Variants in CDS2 observed in about 807,000 individuals in gnomAD.
The protein encoded by CDS2 is phosphatidate cytidylyltransferase 2.
CDS2 carries 47 observed loss-of-function variants against 59.0 expected under a neutral mutation model. The ratio of observed to expected loss-of-function variants is 0.80; its 90% CI spans 0.63 to 1.02. The LOEUF (loss-of-function observed/expected upper bound fraction) is 1.02. Among genes scored for constraint, CDS2 ranks in the 50% least tolerant of loss-of-function variants. The pLI is 0.00. For missense variants in CDS2, 356 were observed against 558.9 expected, an observed-to-expected ratio of 0.64 and a Z score of 3.66; for synonymous variants, 207 against 206.4, an observed-to-expected ratio of 1.00 and a Z score of -0.02.
At chr20:5,134,680 C>T (rs1437012652) in intron 1 of CDS2, among the ~76,000 whole-genome samples, 2 of 152,054 alleles carry the variant, frequency 1.3e-5, no homozygotes, top group African/African-American at 4.8e-5. Flanking sequence ...ACCATCACAC[C>T]CAGCTAATTT....
At chr20:5,172,200 T>C (rs868377384) in intron 1 of CDS2, among the ~76,000 whole-genome samples, 3 of 152,180 alleles carry the variant, frequency 2.0e-5, no homozygotes, top group Admixed American at 1.3e-4. Context: ...TTCTTGTCTT[T>C]AAGGAGTTTG....
chr20:5,167,162 T>C (rs1244355753), intron 1 of CDS2, among the ~76,000 whole-genome samples: 1 of 152,174 alleles, frequency 6.6e-6, no homozygotes, highest in Non-Finnish European at 1.5e-5. Context: ...CCTTTGTAAA[T>C]AGCTTTATCT....
rs1461777601 is a variant in CDS2 at position 5,184,814 on chromosome 20, C to T, written c.672-44C>T. ...CACTATTTTGTGTACTTTTGAGGTA[C>T]TGTCACCTTGCTTGAGTTGATCCTT... is the stretch of plus-strand genomic sequence containing the variant. On this transcript the variant is annotated intron_variant, in intron 7 of 12. Transcript: ENST00000460006. The surrounding 1 kb of genome is among the most constrained non-coding windows in gnomAD (Gnocchi z 4.3). The T allele has an allele frequency of 3.5e-6, 5 of 1,414,790 alleles. No homozygotes were observed. The South Asian group carries it at 5.8e-5, about 16-fold the overall frequency. The allele number at this position is 1,414,790 out of a possible 1,614,324, so 87.6% of individuals were successfully genotyped here.
intron 1 of CDS2, among the ~76,000 whole-genome samples, chr20:5,136,327 T>A (rs1438753194): frequency 6.6e-6 from 1 of 152,164 alleles, no homozygotes; most frequent in East Asian, 1.9e-4. Flanking sequence ...CCCAGATGAC[T>A]CGGTTACTCA....
rs1428362113 is a variant in CDS2 at position 5,178,907 on chromosome 20, G to A, written c.480G>A (p.Arg160=). Residue 160 remains arginine, a synonymous_variant, in exon 5 of 13, where the codon CGG becomes CGA. Coordinates refer to ENST00000460006, the MANE Select transcript of CDS2 (RefSeq NM_003818.4). ...TGGTCCAGAGAGAAGAGCCTTTGCG[G>A]ATTCTCAGTAAATACCACCGGTTCA... is the stretch of plus-strand genomic sequence containing the variant. ...FTLVQREEPL[R]ILSKYHRFIS... 3.1e-6 allele frequency: 5 copies of A among 1,614,086 alleles called. No individual in the cohort carries two copies. The South Asian group carries it at 4.4e-5, about 14-fold the overall frequency.
In CDS2 at chr20:5,173,525, G is replaced by A. The variant is rs2090971806; in HGVS notation, c.60G>A (p.Glu20=). Residue 20 remains glutamate, a splice_region_variant and synonymous_variant, in exon 2 of 13, where the codon GAG becomes GAA. Coordinates refer to ENST00000460006, the MANE Select transcript of CDS2 (RefSeq NM_003818.4). Reference sequence around the variant, plus strand: ...TCTTCTGTATTTCTGCCACTTAGGAGTCAGAGTCAGAAGCAAAGGTAGATG... The same window carrying A: ...TCTTCTGTATTTCTGCCACTTAGGAATCAGAGTCAGAAGCAAAGGTAGATG... ...HEPVAPPEDK[E]SESEAKVDGE... is the part of the protein sequence containing the mutation. The A allele has an allele frequency of 5.6e-6, 9 of 1,614,048 alleles. No homozygotes were observed. Among genetic ancestry groups the A allele is most frequent in the African/African-American group, 1.3e-5 (1 of 74,934 alleles).
intron 3 of CDS2, chr20:5,175,707 A>C (rs2090990179): frequency 6.1e-6 from 1 of 164,012 alleles, no homozygotes; most frequent in Non-Finnish European, 1.3e-5. Context: ...AATCCCTTGA[A>C]CCTGGGAGGC....
chr20:5,127,034 C>T lies in CDS2; in HGVS notation c.-59C>T. The T allele has an allele frequency of 6.9e-7, 1 of 1,455,162 alleles. No homozygotes were observed. Among genetic ancestry groups the T allele is most frequent in the Non-Finnish European group, 9.1e-7 (1 of 1,095,324 alleles). The allele number at this position is 1,455,162 out of a possible 1,614,324, so 90.1% of individuals were successfully genotyped here. A position where few individuals can be genotyped will look rare whatever the true frequency, so the allele number is the denominator to read the frequency against. On this transcript the variant is annotated 5_prime_UTR_variant, in exon 1 of 13. Coordinates refer to ENST00000460006, the MANE Select transcript of CDS2 (RefSeq NM_003818.4). ...GGAGTCCGCGCGTGCCCGCGCCGAGCTGCCTGCTCCGGCGGCTTCGCTGCT... is the reference window on the plus strand; with the variant it reads ...GGAGTCCGCGCGTGCCCGCGCCGAGTTGCCTGCTCCGGCGGCTTCGCTGCT...
intron 1 of CDS2, among the ~76,000 whole-genome samples, chr20:5,140,214 G>C (rs1358447951): frequency 2.0e-5 from 3 of 152,314 alleles, no homozygotes; most frequent in Admixed American, 2.0e-4. Context: ...ATTGAACCAA[G>C]CAGGCATTTA....
chr20:5,168,152 C>T (rs1216818877), intron 1 of CDS2, among the ~76,000 whole-genome samples: 4 of 152,056 alleles, frequency 2.6e-5, no homozygotes, highest in African/African-American at 4.8e-5. Flanking sequence ...CGGTAGCTCA[C>T]GCCTGTATTC....
intron 2 of CDS2, 35 bp from the exon 3 acceptor site, chr20:5,175,148 C>T: frequency 6.7e-7 from 1 of 1,500,024 alleles, no homozygotes; most frequent in South Asian, 1.1e-5. Flanking sequence ...GGGCTCCTAA[C>T]TGGTGTTTTC....
intron 9 of CDS2, among the ~76,000 whole-genome samples, chr20:5,186,217 T>C (rs2091066644): frequency 6.6e-6 from 1 of 152,244 alleles, no homozygotes; most frequent in Admixed American, 6.5e-5. Context: ...CTTCTGACCC[T>C]TGGGCCAGTC....
chr20:5,174,697 G>C (rs2090981635), intron 2 of CDS2, among the ~76,000 whole-genome samples: 1 of 151,368 alleles, frequency 6.6e-6, no homozygotes. Context: ...ACTCCAACCT[G>C]GGCTACAGAG....
At chr20:5,170,623 T>C (rs2090949434) in intron 1 of CDS2, among the ~76,000 whole-genome samples, 1 of 152,224 alleles carries the variant, frequency 6.6e-6, no homozygotes. Context: ...TGTCTCAGCA[T>C]GTGGGAGAGA....
rs183039800 is a variant in CDS2 at position 5,159,511 on chromosome 20, A to G, written c.58-14012A>G. Among the ~76,000 whole-genome samples, 317 of 152,184 alleles carry G rather than the reference A, an allele frequency of 2.1e-3. 2 individuals carry two copies. The highest frequency in any genetic ancestry group is 7.4e-3 in the African/African-American group (309 of 41,498). On this transcript the variant is annotated intron_variant, in intron 1 of 12. Coordinates refer to ENST00000460006, the MANE Select transcript of CDS2 (RefSeq NM_003818.4). ...AGTTTTTTTCTTTTTGTTTTGGATG[A>G]TTTGCATGTAAACAAGTGTAAGGAA...
intron 1 of CDS2, among the ~76,000 whole-genome samples, chr20:5,145,240 C>G (rs1029452032): frequency 1.1e-5 from 1 of 94,466 alleles, no homozygotes; most frequent in Admixed American, 1.2e-4. Context: ...GGAAAGACCC[C>G]CCCCCCCGCC....
intron 1 of CDS2, among the ~76,000 whole-genome samples, chr20:5,146,645 ATTC>A (rs1312490536): frequency 6.6e-6 from 1 of 152,196 alleles, no homozygotes; most frequent in African/African-American, 2.4e-5. Context: ...TTTAGCGTCT[ATTC>A]TTTTATGAAA....
intron 1 of CDS2, 103 bp from the exon 2 acceptor site, chr20:5,173,420 T>C (rs1600503757): frequency 7.5e-7 from 1 of 1,326,030 alleles, no homozygotes; most frequent in Non-Finnish European, 1.1e-6. Context: ...TCTTAGGCCC[T>C]GTTTGGAGTC....
At chr20:5,131,565 T>G (rs1305884158) in intron 1 of CDS2, among the ~76,000 whole-genome samples, 1 of 152,232 alleles carries the variant, frequency 6.6e-6, no homozygotes, top group Non-Finnish European at 1.5e-5. Context: ...TTTACTTAAT[T>G]GCTGAAGTGC....
Sources: gnomAD v4.1 joint callset for allele counts (sites outside exome capture counted in the v4.1 genomes callset) on GRCh38, gnomAD v4.1.1 for gene constraint, Gnocchi (gnomAD v3.1) non-coding constraint, MANE v1.5 for transcripts, NCBI Gene and HGNC (gene_info 2026-07-23, HGNC 2026-07-21) for gene names.